VAV2: variants seen among roughly 807,000 people sequenced by gnomAD.
VAV2 encodes the protein guanine nucleotide exchange factor VAV2.
VAV2 carries 67 observed loss-of-function variants against 132.5 expected under a neutral mutation model. The observed-to-expected ratio is 0.51, with a 90% CI of 0.42 to 0.62. VAV2 has a LOEUF of 0.62. VAV2 is among the 20% of genes least tolerant of loss of function. The pLI is 0.00. For missense variants in VAV2, 938 were observed against 1,153.6 expected (o/e 0.81, Z 2.71); for synonymous variants, 492 against 443.5 (o/e 1.11, Z -1.37).
intron 2 of VAV2, among the ~76,000 whole-genome samples, chr9:133,872,870 T>C (rs1031861833): frequency 6.6e-6 from 1 of 151,962 alleles, no homozygotes; most frequent in Non-Finnish European, 1.5e-5. Flanking sequence ...CCTAGCACTC[T>C]GGGAGGCAGA....
At chr9:133,848,175 G>C (rs1385630839) in intron 3 of VAV2, among the ~76,000 whole-genome samples, 1 of 151,392 alleles carries the variant, frequency 6.6e-6, no homozygotes, top group African/African-American at 2.4e-5. Context: ...AGCTACTCGG[G>C]AGGCTGAGGC....
Position 133,888,724 on chromosome 9 carries a change from T to C in VAV2, c.322-27292A>G, listed in dbSNP as rs569758211. ...ACACCAGACTCCACCCCAATTAGTA[T>C]CATGAGCCTGAGCCGACTGATCTGT... On this transcript the variant is annotated intron_variant, in intron 2 of 29. Transcript: ENST00000371850. 7.9e-5 allele frequency among the ~76,000 whole-genome samples: 12 copies of C among 152,262 alleles called. No individual in the cohort carries two copies. The South Asian group carries it at 1.4e-3, about 18-fold the overall frequency.
intron 4 of VAV2, among the ~76,000 whole-genome samples, chr9:133,816,859 T>G (rs556825160): frequency 2.0e-5 from 3 of 152,266 alleles, no homozygotes; most frequent in African/African-American, 7.2e-5. Context: ...TCTATTTGTC[T>G]ATCTTTACAC....
intron 13 of VAV2, among the ~76,000 whole-genome samples, chr9:133,791,316 G>T (rs1465532063): frequency 1.3e-5 from 2 of 152,088 alleles, no homozygotes; most frequent in East Asian, 3.9e-4. Context: ...GAGGAGCAGA[G>T]GCGACTGCCG....
Position 133,764,020 on chromosome 9 carries a change from C to G in VAV2, c.*42G>C. 6.2e-7 allele frequency: 1 copy of G among 1,613,060 alleles called. No individual in the cohort carries two copies. The highest frequency in any genetic ancestry group is 8.5e-7 in the Non-Finnish European group (1 of 1,179,092). ...GAGACAGACTTCAGGGCTGGAGTGA[C>G]TCTCCCAAGAAAATCTGCGAGTCTT... On this transcript the variant is annotated 3_prime_UTR_variant, in exon 30 of 30. Coordinates refer to ENST00000371850, the MANE Select transcript of VAV2 (RefSeq NM_001134398.2).
At chr9:133,900,953 T>C (rs568158091) in intron 2 of VAV2, among the ~76,000 whole-genome samples, 27 of 151,652 alleles carry the variant, frequency 1.8e-4, no homozygotes, top group African/African-American at 6.5e-4. Context: ...GTGCGTGTCA[T>C]CACGCCCGGC....
Position 133,861,418 on chromosome 9 carries a change from C to T in VAV2, c.336G>A (p.Val112=). The change falls in exon 3 of 30, where the codon GTG becomes GTA. Residue 112 remains valine, a synonymous_variant. Transcript: ENST00000371850. ...VRDFGKVISA[V]SRLSLHSIAQ... is the part of the protein sequence containing the mutation. ...CGATGCTGTGCAGGGAGAGCCTCGA[C>T]ACCGCGGAGATGACCTGGGGGAGAC... 6.2e-7 allele frequency: 1 copy of T among 1,613,458 alleles called. No individual in the cohort carries two copies. Among genetic ancestry groups the T allele is most frequent in the East Asian group, 2.2e-5 (1 of 44,854 alleles).
At chr9:133,958,288 A>C (rs1275132798) in intron 1 of VAV2, among the ~76,000 whole-genome samples, 1 of 138,544 alleles carries the variant, frequency 7.2e-6, no homozygotes, top group Non-Finnish European at 1.6e-5. Context: ...GTCCCTGGGC[A>C]ATGGAATGTC....
At chr9:133,859,658 G>T (rs938568443) in intron 3 of VAV2, among the ~76,000 whole-genome samples, 3 of 152,000 alleles carry the variant, frequency 2.0e-5, no homozygotes, top group Non-Finnish European at 4.4e-5. Flanking sequence ...AAAAAAACAG[G>T]CTGGGGAGTA....
chr9:133,877,471 T>A (rs760472143), intron 2 of VAV2, among the ~76,000 whole-genome samples: 80 of 152,176 alleles, frequency 5.3e-4, no homozygotes, highest in Non-Finnish European at 8.7e-4. Flanking sequence ...GCTCAAAAGT[T>A]ACCCCACTGC....
chr9:133,833,061 G>T lies in VAV2; in HGVS notation c.449+1211C>A, dbSNP rs1464558533. On this transcript the variant is annotated intron_variant, in intron 4 of 29. Coordinates refer to ENST00000371850, the MANE Select transcript of VAV2 (RefSeq NM_001134398.2). This position sits in a 1 kb window ranked among gnomAD's most constrained non-coding sequence, Gnocchi z 5.6. The stretch of plus-strand genomic sequence containing the variant: ...GAGTCTGGCCAGTGGGATTTGCCAA[G>T]GACCCCGTGGCCAGCCCAGCATCAA... Among the ~76,000 whole-genome samples the T allele has an allele frequency of 2.0e-5, 3 of 152,168 alleles. No individual in the cohort carries two copies. The highest frequency in any genetic ancestry group is 4.4e-5 in the Non-Finnish European group (3 of 68,034).
At chr9:133,848,279 CAAAAA>C (rs34908811) in intron 3 of VAV2, among the ~76,000 whole-genome samples, 26 of 48,628 alleles carry the variant, frequency 5.3e-4, no homozygotes, top group South Asian at 2.5e-3. Flanking sequence ...GACTCCGTCT[CAAAAA>C]AAAAAAAAAA....
Position 133,833,056 on chromosome 9 carries a change from G to C in VAV2, c.449+1216C>G, listed in dbSNP as rs12553405. Among the ~76,000 whole-genome samples, 15,167 of 152,126 alleles carry C rather than the reference G, an allele frequency of 0.1. 1,670 individuals carry two copies. The highest frequency in any genetic ancestry group is 0.27 in the African/African-American group (11,383 of 41,452). ...TCTGGGAGTCTGGCCAGTGGGATTT[G>C]CCAAGGACCCCGTGGCCAGCCCAGC... On this transcript the variant is annotated intron_variant, in intron 4 of 29. Coordinates refer to ENST00000371850, the MANE Select transcript of VAV2 (RefSeq NM_001134398.2). This position sits in a 1 kb window ranked among gnomAD's most constrained non-coding sequence, Gnocchi z 5.6.
At chr9:133,855,463 G>C (rs2073929) in intron 3 of VAV2, among the ~76,000 whole-genome samples, 16,971 of 152,294 alleles carry the variant, frequency 0.11, 1,115 homozygotes, top group South Asian at 0.16. Flanking sequence ...GCAAGGCACG[G>C]GGTTCCAGTG....
intron 1 of VAV2, among the ~76,000 whole-genome samples, chr9:133,956,922 G>A (rs957706865): frequency 6.6e-6 from 1 of 152,350 alleles, no homozygotes; most frequent in East Asian, 1.9e-4. Context: ...GCCAGAGCTG[G>A]TACTTCAGCA....
intron 1 of VAV2, among the ~76,000 whole-genome samples, chr9:133,947,925 G>A (rs1364913771): frequency 6.6e-6 from 1 of 151,918 alleles, no homozygotes; most frequent in Admixed American, 6.5e-5. Context: ...GAGCAGCTGG[G>A]ACTACAGGCC....
intron 1 of VAV2, among the ~76,000 whole-genome samples, chr9:133,948,848 G>A (rs773216214): frequency 5.3e-5 from 8 of 152,224 alleles, no homozygotes; most frequent in East Asian, 1.9e-4. Flanking sequence ...GTGGAGAAAC[G>A]GCTCAGGGAC....
rs1305161385 is a variant in VAV2 at position 133,928,876 on chromosome 9, G to A, written c.321+10227C>T. 6.6e-6 allele frequency among the ~76,000 whole-genome samples: 1 copy of A among 152,134 alleles called. No individual in the cohort carries two copies. The highest frequency in any genetic ancestry group is 2.4e-5 in the African/African-American group (1 of 41,428). On this transcript the variant is annotated intron_variant, in intron 2 of 29. Transcript: ENST00000371850. This position sits in a 1 kb window ranked among gnomAD's most constrained non-coding sequence, Gnocchi z 5.4. ...AGGATACACTGGCCGGGTGAGGCTG[G>A]CACTCCAGGCCACTGGAATGGCCAT...
intron 13 of VAV2, among the ~76,000 whole-genome samples, chr9:133,790,790 C>T (rs563475318): frequency 8.5e-5 from 13 of 152,094 alleles, no homozygotes; most frequent in African/African-American, 2.9e-4. Flanking sequence ...GCCCCACGTT[C>T]GCGGAGGGCA....
Sources: allele counts gnomAD v4.1 joint callset (sites outside exome capture counted in the v4.1 genomes callset), GRCh38; gene constraint gnomAD v4.1.1; non-coding constraint Gnocchi (gnomAD v3.1); transcripts MANE v1.5; gene names NCBI Gene and HGNC (gene_info 2026-07-23, HGNC 2026-07-21).